Variants in RYR2 observed in about 807,000 individuals in gnomAD.
RYR2 encodes the protein cardiac muscle ryanodine receptor-calcium release channel.
Under a neutral mutation model 601.1 loss-of-function variants are expected in RYR2, and 227 were observed. The ratio of observed to expected loss-of-function variants is 0.38; its 90% confidence interval spans 0.34 to 0.42. The LOEUF (loss-of-function observed/expected upper bound fraction) is 0.42. Ranked by LOEUF, RYR2 falls within the 10% of genes least tolerant of loss-of-function variation. The probability of loss-of-function intolerance (pLI) is 1.00; values close to 1 mark genes in which losing one functional copy is unlikely to be tolerated. For missense variants in RYR2, 4,646 were observed against 6,156.5 expected, an observed-to-expected ratio of 0.75 and a Z score of 8.21; for synonymous variants, 2,223 against 2,175.1, an observed-to-expected ratio of 1.02 and a Z score of -0.61.
chr1:237,351,457 A>G (rs939464522), intron 3 of RYR2, among the ~76,000 whole-genome samples: 1 of 152,058 alleles, frequency 6.6e-6, no homozygotes, highest in African/African-American at 2.4e-5. Flanking sequence ...AAGACTGAAT[A>G]CGAAAAAGAG....
intron 24 of RYR2, among the ~76,000 whole-genome samples, chr1:237,521,536 A>G (rs1367594796): frequency 2.0e-5 from 3 of 146,694 alleles, no homozygotes; most frequent in Admixed American, 7.1e-5. Context: ...CCTGGCCAAC[A>G]TGGTGAAACC....
At chr1:237,297,144 A>T (rs139385890) in intron 2 of RYR2, among the ~76,000 whole-genome samples, 80 of 152,348 alleles carry the variant, frequency 5.3e-4, no homozygotes, top group African/African-American at 1.8e-3. Flanking sequence ...AAAAGTACAT[A>T]TATAATTATT....
At chr1:237,418,544 T>G (rs1194520584) in intron 11 of RYR2, among the ~76,000 whole-genome samples, 1 of 152,206 alleles carries the variant, frequency 6.6e-6, no homozygotes, top group Non-Finnish European at 1.5e-5. Context: ...TAACTTCCAG[T>G]GTATTTTAAA....
chr1:237,254,227 G>GT (rs1687737053), intron 1 of RYR2, among the ~76,000 whole-genome samples: 1 of 151,966 alleles, frequency 6.6e-6, no homozygotes, highest in South Asian at 2.1e-4. Flanking sequence ...TTAGTCTTGA[G>GT]AATTTGCCCT....
intron 1 of RYR2, among the ~76,000 whole-genome samples, chr1:237,115,239 C>G (rs573045154): frequency 6.6e-6 from 1 of 151,996 alleles, no homozygotes; most frequent in Non-Finnish European, 1.5e-5. Context: ...AAACCACACC[C>G]CCCCCCTTGC....
intron 1 of RYR2, among the ~76,000 whole-genome samples, chr1:237,107,519 C>CAAAAAAAAAAAAAAAAAAAAAA (rs71561857): frequency 2.6e-5 from 1 of 38,912 alleles, no homozygotes; most frequent in African/African-American, 7.1e-5. Context: ...GACTCCATCT[C>CAAAAAAAAAAAAAAAAAAAAAA]AAAAAAAAAA....
intron 1 of RYR2, among the ~76,000 whole-genome samples, chr1:237,216,956 A>C (rs1053374924): frequency 4.6e-5 from 7 of 152,194 alleles, no homozygotes; most frequent in African/African-American, 1.7e-4. Context: ...TCTTCCCCAG[A>C]TCACTCCAGC....
At chr1:237,235,909 C>T (rs748276454) in intron 1 of RYR2, among the ~76,000 whole-genome samples, 64 of 152,242 alleles carry the variant, frequency 4.2e-4, no homozygotes, top group Non-Finnish European at 8.5e-4. Context: ...TGAAAACAAG[C>T]CTTCATGTTC....
At chr1:237,476,328 A>G (rs1378004627) in intron 17 of RYR2, among the ~76,000 whole-genome samples, 1 of 151,820 alleles carries the variant, frequency 6.6e-6, no homozygotes, top group Non-Finnish European at 1.5e-5. Flanking sequence ...TGGCCAACAT[A>G]GTGAAACCCC....
chr1:237,808,661 A>T (rs1660917080), intron 99 of RYR2, among the ~76,000 whole-genome samples: 1 of 151,292 alleles, frequency 6.6e-6, no homozygotes, highest in Non-Finnish European at 1.5e-5. Context: ...TCTCAAAAAA[A>T]AAAAAAACAA....
chr1:237,793,374 T>C (rs761281321), intron 94 of RYR2, among the ~76,000 whole-genome samples: 1 of 152,244 alleles, frequency 6.6e-6, no homozygotes, highest in Non-Finnish European at 1.5e-5. Context: ...TTTGACAAAC[T>C]GACAGATTTT....
chr1:237,413,799 T>G (rs1704672244), intron 10 of RYR2, among the ~76,000 whole-genome samples: 1 of 152,108 alleles, frequency 6.6e-6, no homozygotes, highest in African/African-American at 2.4e-5. Flanking sequence ...GTTTATTTTG[T>G]TCTCTATATG....
intron 48 of RYR2, among the ~76,000 whole-genome samples, chr1:237,647,559 T>C (rs1682303611): frequency 6.6e-6 from 1 of 152,238 alleles, no homozygotes. Context: ...TTTCATTGAC[T>C]ATACGTGGAA....
rs200999820 is a variant in RYR2, at chr1:237,490,517, C to CA, written c.1709-1279dup. Among the ~76,000 whole-genome samples the CA allele has an allele frequency of 2.8e-3, 395 of 143,588 alleles. 2 individuals carry two copies. Among genetic ancestry groups the CA allele is most frequent in the African/African-American group, 8.5e-3 (333 of 39,270 alleles). The allele number at this position is 143,588 out of a possible 152,430, so 94.2% of individuals were successfully genotyped here. ...TTTGTTTCTACGTTTTTAGTAATAG[C>CA]AAAAAAAAAAGGTATTCAGTTTTAG... On this transcript the variant is annotated intron_variant, in intron 17 of 104. Coordinates refer to ENST00000366574, the MANE Select transcript of RYR2 (RefSeq NM_001035.3).
chr1:237,481,105 TAC>T (rs201314473), intron 17 of RYR2, among the ~76,000 whole-genome samples: 22 of 117,750 alleles, frequency 1.9e-4, no homozygotes, highest in South Asian at 5.0e-4. Flanking sequence ...AGTGTATATA[TAC>T]ATATATATAT....
rs1717783 is a variant in RYR2 at position 237,610,127 on chromosome 1, A to G, written c.4684-635A>G. Reference sequence around the variant, plus strand: ...GTCAAGATCATAGATAAATGAAGAAACTTTTGGCAAAGCAGAGACCTCTCT... The same window carrying G: ...GTCAAGATCATAGATAAATGAAGAAGCTTTTGGCAAAGCAGAGACCTCTCT... On this transcript the variant is annotated intron_variant, in intron 35 of 104. Transcript: ENST00000366574. The surrounding 1 kb of genome is among the most constrained non-coding windows in gnomAD (Gnocchi z 4.9). 0.35 allele frequency among the ~76,000 whole-genome samples: 53,360 copies of G among 152,048 alleles called. 10,022 individuals carry two copies. Among genetic ancestry groups the G allele is most frequent in the Admixed American group, 0.48 (7,367 of 15,268 alleles).
intron 3 of RYR2, among the ~76,000 whole-genome samples, chr1:237,350,635 C>CTA (rs1558666447): frequency 1.5e-5 from 1 of 67,766 alleles, no homozygotes; most frequent in African/African-American, 4.9e-5. Flanking sequence ...ATATATATAT[C>CTA]TCTGACCTCT....
In RYR2 at chr1:237,803,182, CTCAT is replaced by C. The variant is rs199613888; in HGVS notation, c.14151+1270_14151+1273del. On this transcript the variant is annotated intron_variant, in intron 98 of 104. Coordinates refer to ENST00000366574, the MANE Select transcript of RYR2 (RefSeq NM_001035.3). ...ACTAAAAATCATTTATTCTTTCTCT[CTCAT>C]TCAAATTTTACTGTGCAGCAAGCAC... Among the ~76,000 whole-genome samples, 108 of 152,324 alleles carry C rather than the reference CTCAT, an allele frequency of 7.1e-4. No homozygotes were observed. The East Asian group carries it at 0.017, about 24-fold the overall frequency.
intron 3 of RYR2, among the ~76,000 whole-genome samples, chr1:237,352,174 A>T (rs960912405): frequency 1.3e-5 from 2 of 152,102 alleles, no homozygotes; most frequent in Non-Finnish European, 2.9e-5. Flanking sequence ...AACTGGTGAA[A>T]TATTGAATTC....
Sources: allele counts gnomAD v4.1 joint callset (sites outside exome capture counted in the v4.1 genomes callset), GRCh38; gene constraint gnomAD v4.1.1; non-coding constraint Gnocchi (gnomAD v3.1); transcripts MANE v1.5; gene names NCBI Gene and HGNC (gene_info 2026-07-23, HGNC 2026-07-21).